ZNF236: variants seen among roughly 807,000 people sequenced by gnomAD.
The protein encoded by ZNF236 is zinc finger protein 236.
Under a neutral mutation model 191.2 loss-of-function variants are expected in ZNF236, and 50 were observed. The observed-to-expected ratio is 0.26, with a 90% confidence interval of 0.21 to 0.33. ZNF236 has a LOEUF of 0.33. Ranked by LOEUF, ZNF236 falls within the 10% of genes least tolerant of loss-of-function variation. ZNF236 has a pLI of 1.00. For missense variants in ZNF236, 1,754 were observed against 2,374.5 expected (o/e 0.74, Z 5.43); for synonymous variants, 907 against 928.8 (o/e 0.98, Z 0.43).
intron 5 of ZNF236, 110 bp downstream of exon 5, chr18:76,871,935 T>C: frequency 7.4e-7 from 1 of 1,352,598 alleles, no homozygotes; most frequent in South Asian, 1.3e-5. Context: ...CATAGTTTGC[T>C]GGATAATCTT....
rs2122802308 is a variant in ZNF236 at position 76,919,672 on chromosome 18, T to G, written c.3275-104T>G. ...CATCATAAAAATAGCTTGGTTGAGT[T>G]ATTAATTTTCATTACATACATACCT... On this transcript the variant is annotated intron_variant, in intron 19 of 30. Coordinates refer to ENST00000320610, the MANE Select transcript of ZNF236 (RefSeq NM_001306089.2). This position sits in a 1 kb window ranked among gnomAD's most constrained non-coding sequence, Gnocchi z 5.3. The G allele has an allele frequency of 7.5e-7, 1 of 1,342,112 alleles. No individual in the cohort carries two copies. Among genetic ancestry groups the G allele is most frequent in the Non-Finnish European group, 1.0e-6 (1 of 973,324 alleles). The allele number at this position is 1,342,112 out of a possible 1,614,324, so 83.1% of individuals were successfully genotyped here.
chr18:76,906,852 G>A (rs973692063), intron 13 of ZNF236, among the ~76,000 whole-genome samples: 1 of 152,202 alleles, frequency 6.6e-6, no homozygotes, highest in African/African-American at 2.4e-5. Flanking sequence ...CTGCCTACAA[G>A]GAGAGCATCC....
intron 30 of ZNF236, among the ~76,000 whole-genome samples, chr18:76,963,745 C>G (rs1968713283): frequency 1.3e-5 from 2 of 152,138 alleles, no homozygotes; most frequent in African/African-American, 4.8e-5. Context: ...CTATTTCAAT[C>G]TTGCTGCTTG....
At position 76,971,969 on chromosome 18, in the gene ZNF236, C is replaced by T. The variant is rs568172340; in HGVS notation, c.*3630C>T. ...AAGTTAATCCAAGGATTGATCGTTG[C>T]GAATGTATCCCTTTTCCAAGACCTA... On this transcript the variant is annotated 3_prime_UTR_variant, in exon 31 of 31. Transcript: ENST00000320610. Among the ~76,000 whole-genome samples the T allele has an allele frequency of 8.5e-5, 13 of 152,278 alleles. No homozygotes were observed. Among genetic ancestry groups the T allele is most frequent in the Non-Finnish European group, 1.8e-4 (12 of 68,026 alleles).
intron 7 of ZNF236, 113 bp from the exon 8 acceptor site, chr18:76,880,000 T>G: frequency 2.1e-6 from 2 of 946,534 alleles, no homozygotes; most frequent in South Asian, 3.5e-5. Context: ...TTTAGGATAC[T>G]CTTAGATTTT....
At position 76,927,011 on chromosome 18, in the gene ZNF236, C is replaced by T; in HGVS notation, c.4028-26C>T. On this transcript the variant is annotated intron_variant, in intron 22 of 30. Transcript: ENST00000320610. The surrounding 1 kb of genome is among the most constrained non-coding windows in gnomAD (Gnocchi z 5.4). ...TTAAGAAGCATTCATAATATTTGAT[C>T]ATTCTCTTTCTCTTTCTCTGGCCAG... 1 of 1,578,092 alleles carries T rather than the reference C, an allele frequency of 6.3e-7. No individual in the cohort carries two copies. The highest frequency in any genetic ancestry group is 8.6e-7 in the Non-Finnish European group (1 of 1,159,724).
intron 9 of ZNF236, among the ~76,000 whole-genome samples, chr18:76,884,117 T>C (rs369444128): frequency 6.6e-6 from 1 of 152,176 alleles, no homozygotes; most frequent in South Asian, 2.1e-4. Flanking sequence ...GTTTGAAATT[T>C]ATGACCAGGT....
intron 25 of ZNF236, among the ~76,000 whole-genome samples, 188 bp from the exon 26 acceptor site, chr18:76,936,968 A>C (rs138035858): frequency 5.3e-5 from 8 of 152,358 alleles, no homozygotes; most frequent in South Asian, 2.1e-4. Flanking sequence ...ATATGTAAAG[A>C]TGTTTAAAAA....
intron 13 of ZNF236, among the ~76,000 whole-genome samples, chr18:76,907,051 T>TACAG (rs1010146838): frequency 8.5e-5 from 13 of 152,248 alleles, no homozygotes; most frequent in Non-Finnish European, 2.9e-5. Context: ...GAGTGGCTTT[T>TACAG]ACAGGCCCCT....
In ZNF236 at chr18:76,960,552, G is replaced by A. The variant is rs1183230072; in HGVS notation, c.5243-127G>A. 4 of 1,257,920 alleles carry A rather than the reference G, an allele frequency of 3.2e-6. No homozygotes were observed. In the East Asian group the frequency reaches 7.0e-5, roughly 22 times the overall value. 77.9% of individuals were successfully genotyped at this position (1,257,920 alleles called of 1,614,324 possible). A position where few individuals can be genotyped will look rare whatever the true frequency, so the allele number is the denominator to read the frequency against. ...GGCTCCTCCAGCCCTTTGTTCAGAT[G>A]ACAGCCAGGCTGAAAGCCTAAAAGA... On this transcript the variant is annotated intron_variant, in intron 29 of 30. Coordinates refer to ENST00000320610, the MANE Select transcript of ZNF236 (RefSeq NM_001306089.2). This position sits in a 1 kb window ranked among gnomAD's most constrained non-coding sequence, Gnocchi z 4.4.
intron 3 of ZNF236, among the ~76,000 whole-genome samples, chr18:76,860,438 C>T (rs1229122152): frequency 1.3e-5 from 2 of 152,148 alleles, no homozygotes; most frequent in African/African-American, 2.4e-5. Flanking sequence ...AGCTGTCATT[C>T]GCAGATGTTC....
At chr18:76,962,337 T>C (rs1256843751) in intron 30 of ZNF236, among the ~76,000 whole-genome samples, 1 of 152,220 alleles carries the variant, frequency 6.6e-6, no homozygotes, top group Non-Finnish European at 1.5e-5. Flanking sequence ...TTTATGTTTT[T>C]GTTTTCCTTA....
chr18:76,923,088 C>T lies in ZNF236; in HGVS notation c.3575C>T (p.Thr1192Ile), dbSNP rs866000540. Residue 1192 changes from threonine to isoleucine, a missense_variant, in exon 21 of 31, where the codon ACT (threonine) becomes ATT (isoleucine). Physicochemically the swap from Thr to Ile is moderately conservative, Grantham distance 89. Around this residue, in one of 5 missense-constraint regions of ZNF236, gnomAD observed 45 missense variants for 137.4 expected, o/e 0.33. Coordinates refer to ENST00000320610, the MANE Select transcript of ZNF236 (RefSeq NM_001306089.2). ...TTGGATAGGCATGTTCGAATCCATA[C>T]TGGAGAAAAGCCATACAAATGTGAT... is the stretch of plus-strand genomic sequence containing the variant. ...SDLVRHVRIH[T>I]GEKPYKCDEC... The T allele has an allele frequency of 6.2e-7, 1 of 1,613,350 alleles. No individual in the cohort carries two copies.
At chr18:76,866,967 G>C (rs1599346697) in intron 3 of ZNF236, among the ~76,000 whole-genome samples, 1 of 152,278 alleles carries the variant, frequency 6.6e-6, no homozygotes, top group East Asian at 1.9e-4. Flanking sequence ...AGCACGTCGT[G>C]CATAAACTGG....
At chr18:76,956,236 C>T (rs1228551804) in intron 28 of ZNF236, 54 bp downstream of exon 28, 10 of 1,530,578 alleles carry the variant, frequency 6.5e-6, no homozygotes, top group South Asian at 4.8e-5. Context: ...GCTAGAGATG[C>T]GGAGTCCAAG....
In ZNF236 at chr18:76,866,769, T is replaced by C. The variant is rs1261196027; in HGVS notation, c.364-1916T>C. Among the ~76,000 whole-genome samples, 4 of 152,158 alleles carry C rather than the reference T, an allele frequency of 2.6e-5. No individual in the cohort carries two copies. In the East Asian group the frequency reaches 7.7e-4, roughly 29 times the overall value. ...TGTCCTAGTGGCCTGTGACTATACA[T>C]GGGGTGTTGTTCTTCTTACAGAAGA... is the stretch of plus-strand genomic sequence containing the variant. On this transcript the variant is annotated intron_variant, in intron 3 of 30. Transcript: ENST00000320610.
At chr18:76,930,615 A>T (rs1054047293) in intron 25 of ZNF236, among the ~76,000 whole-genome samples, 4 of 152,250 alleles carry the variant, frequency 2.6e-5, no homozygotes, top group Non-Finnish European at 1.5e-5. Flanking sequence ...TTCAGAACAC[A>T]TAGGATAGGA....
chr18:76,915,923 A>T, intron 19 of ZNF236, 64 bp downstream of exon 19: 1 of 1,484,690 alleles, frequency 6.7e-7, no homozygotes, highest in Non-Finnish European at 9.3e-7. Flanking sequence ...AAATCCATTC[A>T]CAAATCACCG....
At chr18:76,926,158 G>A (rs1041036693) in intron 22 of ZNF236, among the ~76,000 whole-genome samples, 1 of 152,172 alleles carries the variant, frequency 6.6e-6, no homozygotes, top group Non-Finnish European at 1.5e-5. Flanking sequence ...GTTTAAAGTG[G>A]GCAATATGAG....
Sources: gnomAD v4.1 joint callset for allele counts (sites outside exome capture counted in the v4.1 genomes callset) on GRCh38, gnomAD v4.1.1 for gene constraint, gnomAD v4.1.1 regional missense constraint, Gnocchi (gnomAD v3.1) non-coding constraint, MANE v1.5 for transcripts, NCBI Gene and HGNC (gene_info 2026-07-23, HGNC 2026-07-21) for gene names.